The following NRCAM variants were observed in gnomAD, a reference collection of about 807,000 sequenced individuals.
NRCAM encodes neuronal cell adhesion molecule, also known as NgCAM-related cell adhesion molecule.
NRCAM carries 83 observed loss-of-function variants against 156.5 expected under a neutral mutation model. That is an observed-to-expected ratio of 0.53 (90% confidence interval 0.44 to 0.64). The LOEUF (loss-of-function observed/expected upper bound fraction) is 0.64. Among genes scored for constraint, NRCAM ranks in the 30% least tolerant of loss-of-function variants. The pLI, the probability that NRCAM is intolerant of heterozygous loss-of-function variation, is 0.00. For missense variants in NRCAM, 1,417 were observed against 1,597.3 expected (o/e 0.89, Z 1.92); for synonymous variants, 538 against 563.9 (o/e 0.95, Z 0.65).
At chr7:108,431,839 A>C (rs956342266) in intron 1 of NRCAM, among the ~76,000 whole-genome samples, 1 of 152,212 alleles carries the variant, frequency 6.6e-6, no homozygotes, top group Admixed American at 6.5e-5. Context: ...CCAAAATGGG[A>C]CAAGGCATTA....
At chr7:108,205,450 A>G (rs1259110928) in intron 13 of NRCAM, among the ~76,000 whole-genome samples, 3 of 152,152 alleles carry the variant, frequency 2.0e-5, no homozygotes, top group African/African-American at 7.2e-5. Context: ...TCATTATTTA[A>G]TCCTCCCCTG....
chr7:108,352,602 A>G (rs1175105902), intron 2 of NRCAM, among the ~76,000 whole-genome samples: 1 of 152,236 alleles, frequency 6.6e-6, no homozygotes, highest in Non-Finnish European at 1.5e-5. Context: ...AAATAACCAC[A>G]TACAGAAATG....
intron 1 of NRCAM, among the ~76,000 whole-genome samples, chr7:108,436,061 G>A (rs1018324573): frequency 6.6e-6 from 1 of 152,262 alleles, no homozygotes; most frequent in African/African-American, 2.4e-5. Flanking sequence ...GTGAGCCCGG[G>A]AGGCGGAGCT....
intron 2 of NRCAM, among the ~76,000 whole-genome samples, chr7:108,377,928 C>G (rs973407936): frequency 3.9e-5 from 6 of 152,172 alleles, no homozygotes; most frequent in East Asian, 1.9e-4. Flanking sequence ...GACATCCCCC[C>G]ACCTTGCAAA....
At chr7:108,177,698 CACGTATATATATATAT>C in intron 26 of NRCAM, among the ~76,000 whole-genome samples, 1 of 42,674 alleles carries the variant, frequency 2.3e-5, no homozygotes, top group South Asian at 9.1e-4. Context: ...TATATATATA[CACGTATATATATATAT>C]ACGTGTGTAT....
At chr7:108,185,211 G>C (rs2065950398) in intron 20 of NRCAM, among the ~76,000 whole-genome samples, 2 of 152,118 alleles carry the variant, frequency 1.3e-5, no homozygotes, top group South Asian at 4.1e-4. Context: ...ATATAAGACA[G>C]TTTAGAAAAT....
At chr7:108,248,567 T>C (rs1189229663) in intron 3 of NRCAM, among the ~76,000 whole-genome samples, 1 of 152,136 alleles carries the variant, frequency 6.6e-6, no homozygotes, top group Non-Finnish European at 1.5e-5. Flanking sequence ...CATAATACAA[T>C]TGATACTTCG....
chr7:108,367,923 G>A (rs2099601853), intron 2 of NRCAM, among the ~76,000 whole-genome samples: 1 of 152,096 alleles, frequency 6.6e-6, no homozygotes, highest in African/African-American at 2.4e-5. Context: ...TATATAAAAA[G>A]ACTCAAACCC....
In NRCAM at chr7:108,177,898, G is replaced by A. The variant is rs553368322; in HGVS notation, c.2974+92C>T. ...ACTATATGTATCGAAACATCACTAC[G>A]TACCCCATGAGGAGGTATAATTATT... On this transcript the variant is annotated intron_variant, in intron 26 of 32. Transcript: ENST00000379028. 15 of 1,144,750 alleles carry A rather than the reference G, an allele frequency of 1.3e-5. No homozygotes were observed. The East Asian group carries it at 1.9e-4, about 14-fold the overall frequency. The allele number at this position is 1,144,750 out of a possible 1,614,324, so 70.9% of individuals were successfully genotyped here. A position where few individuals can be genotyped will look rare whatever the true frequency, so the allele number is the denominator to read the frequency against.
intron 1 of NRCAM, among the ~76,000 whole-genome samples, chr7:108,445,413 A>G (rs1843120763): frequency 6.6e-6 from 1 of 152,226 alleles, no homozygotes; most frequent in South Asian, 2.1e-4. Flanking sequence ...GCAGTGCAAG[A>G]CCACTTCATT....
chr7:108,328,017 T>C (rs190899477), intron 2 of NRCAM, among the ~76,000 whole-genome samples: 2 of 152,292 alleles, frequency 1.3e-5, no homozygotes, highest in Admixed American at 6.5e-5. Flanking sequence ...ACAGAAAGAA[T>C]GACAAAAGCA....
intron 2 of NRCAM, among the ~76,000 whole-genome samples, chr7:108,357,740 G>A (rs1213328806): frequency 1.3e-5 from 2 of 152,178 alleles, no homozygotes; most frequent in Admixed American, 6.5e-5. Context: ...AAGGCTCATT[G>A]TTTTCTCTCT....
intron 1 of NRCAM, among the ~76,000 whole-genome samples, chr7:108,450,372 T>C (rs1848958680): frequency 6.6e-6 from 1 of 151,620 alleles, no homozygotes; most frequent in Admixed American, 6.6e-5. Context: ...GCCAGTAAAA[T>C]AGGTCAATTA....
At chr7:108,421,117 G>T in intron 1 of NRCAM, among the ~76,000 whole-genome samples, 1 of 152,098 alleles carries the variant, frequency 6.6e-6, no homozygotes. Context: ...CCTCTACCAT[G>T]AGCTCAACAT....
At chr7:108,366,991 G>T (rs762947448) in intron 2 of NRCAM, among the ~76,000 whole-genome samples, 17 of 152,190 alleles carry the variant, frequency 1.1e-4, no homozygotes, top group Non-Finnish European at 2.2e-4. Flanking sequence ...TAAGTGAGAA[G>T]AAACTACTGA....
chr7:108,354,041 C>T (rs2099456397), intron 2 of NRCAM, among the ~76,000 whole-genome samples: 1 of 152,194 alleles, frequency 6.6e-6, no homozygotes, highest in South Asian at 2.1e-4. Context: ...TTATATAAAT[C>T]AGAGAATCCT....
intron 12 of NRCAM, 89 bp downstream of exon 12, chr7:108,209,332 C>A (rs1033962849): frequency 4.6e-6 from 4 of 869,342 alleles, no homozygotes; most frequent in Middle Eastern, 2.9e-4. Flanking sequence ...TTTACATTTA[C>A]CATTACTAAA....
chr7:108,267,298 T>C (rs747897169), intron 3 of NRCAM, among the ~76,000 whole-genome samples: 4 of 152,222 alleles, frequency 2.6e-5, no homozygotes, highest in Admixed American at 6.5e-5. Context: ...ATTAGAACTA[T>C]AGAGAATTTT....
intron 12 of NRCAM, among the ~76,000 whole-genome samples, chr7:108,208,888 GC>G (rs1423381600): frequency 6.6e-6 from 1 of 152,120 alleles, no homozygotes; most frequent in Non-Finnish European, 1.5e-5. Flanking sequence ...GACAGTGTCT[GC>G]CAGGTTTCTC....
Sources: gnomAD v4.1 joint callset for allele counts (sites outside exome capture counted in the v4.1 genomes callset) on GRCh38, gnomAD v4.1.1 for gene constraint, MANE v1.5 for transcripts, NCBI Gene and HGNC (gene_info 2026-07-23, HGNC 2026-07-21) for gene names.